Variants in DLGAP1 observed in about 807,000 individuals in gnomAD.
DLGAP1 encodes the protein DLG associated protein 1, also known as disks large-associated protein 1.
DLGAP1 carries 11 observed loss-of-function variants against 90.8 expected under a neutral mutation model. That is an observed-to-expected ratio of 0.12 (90% CI 0.08 to 0.20). The LOEUF (loss-of-function observed/expected upper bound fraction) is 0.20, where lower values mean the gene tolerates loss of function less well. Ranked by LOEUF, DLGAP1 falls within the 10% of genes least tolerant of loss-of-function variation. The probability of loss-of-function intolerance (pLI) is 1.00; values close to 1 mark genes in which losing one functional copy is unlikely to be tolerated. For missense variants in DLGAP1, 1,050 were observed against 1,333.8 expected (o/e 0.79, Z 3.31); for synonymous variants, 558 against 540.7 (o/e 1.03, Z -0.44).
chr18:3,794,426 G>A (rs1022097291), intron 5 of DLGAP1, among the ~76,000 whole-genome samples: 4 of 106,878 alleles, frequency 3.7e-5, no homozygotes, highest in Non-Finnish European at 7.8e-5. Context: ...AAAACTCTCC[G>A]TGTCAAAGTC....
At chr18:4,299,593 C>T (rs937413856) in intron 1 of DLGAP1, among the ~76,000 whole-genome samples, 5 of 151,976 alleles carry the variant, frequency 3.3e-5, no homozygotes, top group Non-Finnish European at 7.4e-5. Flanking sequence ...ATTGTGCTTA[C>T]TTGTCATAAA....
chr18:4,092,303 G>A (rs1050189870), intron 2 of DLGAP1, among the ~76,000 whole-genome samples: 2 of 152,116 alleles, frequency 1.3e-5, no homozygotes, highest in African/African-American at 4.8e-5. Flanking sequence ...TAAGGCCGAC[G>A]GGAGTGGAGC....
At position 3,776,671 on chromosome 18, in the gene DLGAP1, C is replaced by G. The variant is rs980925136; in HGVS notation, c.1173-34159G>C. Among the ~76,000 whole-genome samples, 5 of 152,276 alleles carry G rather than the reference C, an allele frequency of 3.3e-5. No individual in the cohort carries two copies. In the South Asian group the frequency reaches 8.3e-4, roughly 25 times the overall value. ...TCTTTAGGGACATTATGCTATTTCT[C>G]TAAGCCTGAAAGTGATAAAGAGGAA... On this transcript the variant is annotated intron_variant, in intron 5 of 12. Transcript: ENST00000315677.
At chr18:4,172,204 G>A (rs2077037589) in intron 1 of DLGAP1, among the ~76,000 whole-genome samples, 2 of 152,188 alleles carry the variant, frequency 1.3e-5, no homozygotes, top group African/African-American at 4.8e-5. Flanking sequence ...TAAAAGTACA[G>A]CAGAAAACTG....
chr18:4,048,248 TA>T (rs2075084623), intron 2 of DLGAP1, among the ~76,000 whole-genome samples: 1 of 152,232 alleles, frequency 6.6e-6, no homozygotes, highest in South Asian at 2.1e-4. Flanking sequence ...CAGCCATTTT[TA>T]AAAAATGTGT....
intron 9 of DLGAP1, among the ~76,000 whole-genome samples, chr18:3,537,343 G>A (rs1016618914): frequency 4.6e-5 from 7 of 152,062 alleles, no homozygotes; most frequent in African/African-American, 7.2e-5. Context: ...TCTTATTGGT[G>A]GAATCATGTA....
chr18:3,663,162 T>C (rs1212677716), intron 7 of DLGAP1, among the ~76,000 whole-genome samples: 2 of 151,972 alleles, frequency 1.3e-5, no homozygotes, highest in African/African-American at 2.4e-5. Context: ...TCCCAGCTAC[T>C]TGGGAGGCTG....
intron 1 of DLGAP1, among the ~76,000 whole-genome samples, chr18:4,219,027 GTTTTTTTTTTTTT>G (rs34333673): frequency 1.1e-5 from 1 of 92,022 alleles, no homozygotes; most frequent in African/African-American, 4.4e-5. Context: ...TTCTATCTTT[GTTTTTTTTTTTTT>G]TTTTTTTTTT....
intron 4 of DLGAP1, among the ~76,000 whole-genome samples, chr18:3,841,750 G>C (rs1288102659): frequency 6.6e-6 from 1 of 152,124 alleles, no homozygotes; most frequent in Non-Finnish European, 1.5e-5. Context: ...TCTGGTTTCT[G>C]CAACCTCAGC....
At chr18:3,536,791 G>A (rs569459876) in intron 9 of DLGAP1, among the ~76,000 whole-genome samples, 7 of 152,234 alleles carry the variant, frequency 4.6e-5, no homozygotes, top group South Asian at 2.1e-4. Context: ...CAACCAAAGC[G>A]CCCTATATAT....
chr18:3,953,822 G>A (rs1333859630), intron 3 of DLGAP1, among the ~76,000 whole-genome samples: 2 of 152,102 alleles, frequency 1.3e-5, no homozygotes, highest in Non-Finnish European at 2.9e-5. Flanking sequence ...AAGGATGATG[G>A]TATGGCATCT....
chr18:3,900,516 A>C (rs531903732), intron 3 of DLGAP1, among the ~76,000 whole-genome samples: 1 of 152,352 alleles, frequency 6.6e-6, no homozygotes, highest in Non-Finnish European at 1.5e-5. Flanking sequence ...TTTGCTCAGC[A>C]ACTACCCCAA....
chr18:3,765,184 G>C (rs1053708466), intron 5 of DLGAP1, among the ~76,000 whole-genome samples: 1 of 134,054 alleles, frequency 7.5e-6, no homozygotes, highest in Non-Finnish European at 1.5e-5. Flanking sequence ...CTGGAGTGCA[G>C]TGGCGCAGTC....
chr18:3,627,999 C>T (rs1430147492), intron 7 of DLGAP1, among the ~76,000 whole-genome samples: 2 of 151,100 alleles, frequency 1.3e-5, no homozygotes, highest in Non-Finnish European at 2.9e-5. Context: ...CTGCCACAGC[C>T]TCCCGAGTAG....
intron 2 of DLGAP1, among the ~76,000 whole-genome samples, chr18:4,019,711 T>C (rs1337903067): frequency 1.3e-5 from 2 of 152,202 alleles, no homozygotes; most frequent in African/African-American, 4.8e-5. Context: ...GATTATTAAG[T>C]AGATACTTCT....
intron 3 of DLGAP1, among the ~76,000 whole-genome samples, chr18:3,890,788 G>A (rs2071439470): frequency 6.6e-6 from 1 of 152,136 alleles, no homozygotes; most frequent in Admixed American, 6.5e-5. Context: ...GAGTGCATTG[G>A]CATAATCATG....
intron 1 of DLGAP1, among the ~76,000 whole-genome samples, chr18:4,268,046 G>A (rs1206472758): frequency 6.6e-6 from 1 of 152,188 alleles, no homozygotes; most frequent in Non-Finnish European, 1.5e-5. Context: ...AGGGTGGTGA[G>A]CAGAGGCCAT....
At chr18:3,579,689 A>G (rs1444433585) in intron 8 of DLGAP1, among the ~76,000 whole-genome samples, 1 of 152,222 alleles carries the variant, frequency 6.6e-6, no homozygotes, top group East Asian at 1.9e-4. Context: ...AACCCAAGCT[A>G]AACAGATGTA....
intron 7 of DLGAP1, among the ~76,000 whole-genome samples, chr18:3,708,118 A>C (rs2147194347): frequency 6.7e-6 from 1 of 150,260 alleles, no homozygotes; most frequent in East Asian, 2.0e-4. Context: ...CAATCCTCCC[A>C]CCTCAACCTC....
Sources: allele counts gnomAD v4.1 joint callset (sites outside exome capture counted in the v4.1 genomes callset), GRCh38; gene constraint gnomAD v4.1.1; transcripts MANE v1.5; gene names NCBI Gene and HGNC (gene_info 2026-07-23, HGNC 2026-07-21).